FER1L6: variants seen among roughly 807,000 people sequenced by gnomAD.
FER1L6 encodes the protein fer-1-like protein 6.
FER1L6 carries 177 observed loss-of-function variants against 219.2 expected under a neutral mutation model. The observed-to-expected ratio is 0.81, with a 90% confidence interval of 0.71 to 0.91. The LOEUF is 0.91. Ranked by LOEUF, FER1L6 falls within the 40% of genes least tolerant of loss-of-function variation. FER1L6 has a pLI of 0.00. For missense variants in FER1L6, 2,153 were observed against 2,259.9 expected (o/e 0.95, Z 0.96); for synonymous variants, 768 against 824.3 (o/e 0.93, Z 1.17).
chr8:123,995,095 A>G (rs1817065640), intron 12 of FER1L6, among the ~76,000 whole-genome samples: 2 of 152,164 alleles, frequency 1.3e-5, no homozygotes, highest in Non-Finnish European at 2.9e-5. Context: ...TGCTTCTTTC[A>G]GAGGGTCTGT....
intron 22 of FER1L6, among the ~76,000 whole-genome samples, chr8:124,058,636 C>T (rs1034422168): frequency 5.3e-5 from 8 of 152,154 alleles, no homozygotes; most frequent in Non-Finnish European, 1.0e-4. Context: ...CTTCAGGAGC[C>T]CCAGGATAAA....
chr8:124,016,819 A>G (rs1055629135), intron 15 of FER1L6, among the ~76,000 whole-genome samples: 11 of 152,198 alleles, frequency 7.2e-5, no homozygotes, highest in African/African-American at 2.7e-4. Context: ...TACAATACAT[A>G]TGATTATGTA....
At chr8:124,086,850 C>T (rs1821805565) in intron 33 of FER1L6, among the ~76,000 whole-genome samples, 1 of 152,042 alleles carries the variant, frequency 6.6e-6, no homozygotes, top group South Asian at 2.1e-4. Flanking sequence ...AATACTTTTC[C>T]TAGATATGCT....
At chr8:124,116,547 A>G (rs553145054) in intron 39 of FER1L6, among the ~76,000 whole-genome samples, 30 of 152,306 alleles carry the variant, frequency 2.0e-4, no homozygotes, top group African/African-American at 5.8e-4. Flanking sequence ...CAAAAAGGGC[A>G]TGCATGAAAC....
intron 1 of FER1L6, among the ~76,000 whole-genome samples, chr8:123,917,553 C>T (rs1385271034): frequency 6.6e-6 from 1 of 152,186 alleles, no homozygotes; most frequent in Non-Finnish European, 1.5e-5. Context: ...CAGATGTTAT[C>T]TCCTTCCCGC....
At chr8:123,924,399 G>A (rs1036198195) in intron 1 of FER1L6, among the ~76,000 whole-genome samples, 3 of 151,308 alleles carry the variant, frequency 2.0e-5, no homozygotes, top group Admixed American at 1.3e-4. Context: ...AAAATTAGCC[G>A]GGCATGGCGG....
chr8:123,957,820 G>A (rs1055563109), intron 2 of FER1L6, among the ~76,000 whole-genome samples: 1 of 152,150 alleles, frequency 6.6e-6, no homozygotes, highest in African/African-American at 2.4e-5. Flanking sequence ...AACAGGGCAG[G>A]GAGGAATCAG....
At chr8:123,922,980 C>T (rs902423981) in intron 1 of FER1L6, among the ~76,000 whole-genome samples, 2 of 152,132 alleles carry the variant, frequency 1.3e-5, no homozygotes, top group Non-Finnish European at 2.9e-5. Flanking sequence ...CAGCCCCCCC[C>T]CAGACCCCCA....
chr8:123,911,970 A>C (rs1813054556), intron 1 of FER1L6, among the ~76,000 whole-genome samples: 1 of 152,150 alleles, frequency 6.6e-6, no homozygotes, highest in African/African-American at 2.4e-5. Flanking sequence ...TTTATGGTAG[A>C]CTAGCCTCTG....
intron 1 of FER1L6, among the ~76,000 whole-genome samples, chr8:123,877,943 G>A (rs1272515997): frequency 6.6e-6 from 1 of 152,096 alleles, no homozygotes; most frequent in Non-Finnish European, 1.5e-5. Flanking sequence ...AAGGGGTGAG[G>A]GTTGGGGAGA....
chr8:123,878,877 A>G (rs1817057768), intron 1 of FER1L6, among the ~76,000 whole-genome samples: 1 of 152,230 alleles, frequency 6.6e-6, no homozygotes, highest in African/African-American at 2.4e-5. Flanking sequence ...AACATTGAGA[A>G]TGAAACAATG....
chr8:124,070,585 T>C lies in FER1L6; in HGVS notation c.3953T>C (p.Ile1318Thr), dbSNP rs956244927. 1.3e-6 allele frequency: 2 copies of C among 1,586,542 alleles called. No homozygotes were observed. The highest frequency in any genetic ancestry group is 2.7e-5 in the African/African-American group (2 of 73,046). The change falls in exon 30 of 41, where the codon ATA becomes ACA. Residue 1318 changes from isoleucine to threonine, a missense_variant. Coordinates refer to ENST00000522917, the MANE Select transcript of FER1L6 (RefSeq NM_001039112.2). Reference protein sequence around the residue: ...DDHGLDGDRVIGKFKGSFCIY... With the variant: ...DDHGLDGDRVTGKFKGSFCIY... ...CATGGTCTTGATGGAGACCGAGTCATAGGAAAATTTAAGGCAGGTTCCATT... is the reference window on the plus strand; with the variant it reads ...CATGGTCTTGATGGAGACCGAGTCACAGGAAAATTTAAGGCAGGTTCCATT...
intron 26 of FER1L6, among the ~76,000 whole-genome samples, chr8:124,065,856 C>T (rs750752403): frequency 2.6e-5 from 4 of 152,152 alleles, no homozygotes; most frequent in South Asian, 4.2e-4. Flanking sequence ...TTCTGCCACA[C>T]GTCTATCACT....
Position 123,976,077 on chromosome 8 carries a change from G to A in FER1L6, c.863G>A (p.Gly288Glu), listed in dbSNP as rs368179359. 2.4e-5 allele frequency: 38 copies of A among 1,610,402 alleles called. No homozygotes were observed. Among genetic ancestry groups the A allele is most frequent in the African/African-American group, 1.7e-4 (13 of 74,850 alleles). The part of the protein sequence containing the change: ...VDPFVEVSFA[G>E]QMGRTTVQKN... The stretch of plus-strand genomic sequence containing the variant: ...CCCTTTGTGGAGGTCTCCTTTGCTG[G>A]GCAGATGGTGAGGAACCATTGTCAC... Residue 288 changes from glycine (G) to glutamate (E), a missense_variant, in exon 9 of 41, where the codon GGG (glycine) becomes GAG (glutamate). Coordinates refer to ENST00000522917, the MANE Select transcript of FER1L6 (RefSeq NM_001039112.2).
intron 22 of FER1L6, among the ~76,000 whole-genome samples, chr8:124,056,899 C>T (rs1157238187): frequency 6.6e-6 from 1 of 152,050 alleles, no homozygotes; most frequent in Non-Finnish European, 1.5e-5. Flanking sequence ...ACAAAATTAG[C>T]TGGGCGCGGT....
chr8:123,929,349 G>C (rs1453459412), intron 1 of FER1L6, among the ~76,000 whole-genome samples: 2 of 152,188 alleles, frequency 1.3e-5, no homozygotes, highest in Admixed American at 1.3e-4. Flanking sequence ...ATAACTGTTT[G>C]TAGACATTAA....
At chr8:124,014,119 C>T (rs1260996434) in intron 15 of FER1L6, among the ~76,000 whole-genome samples, 1 of 152,074 alleles carries the variant, frequency 6.6e-6, no homozygotes, top group African/African-American at 2.4e-5. Flanking sequence ...TTAACGTGCA[C>T]AGGGGAGAAT....
At chr8:123,899,560 G>A (rs1812821889) in intron 1 of FER1L6, among the ~76,000 whole-genome samples, 1 of 152,030 alleles carries the variant, frequency 6.6e-6, no homozygotes, top group Admixed American at 6.6e-5. Flanking sequence ...ATTTGCTTTT[G>A]GGTTCTTGGT....
At chr8:123,859,282 T>C (rs1816702837) in intron 1 of FER1L6, among the ~76,000 whole-genome samples, 2 of 152,246 alleles carry the variant, frequency 1.3e-5, no homozygotes, top group Non-Finnish European at 1.5e-5. Flanking sequence ...ATTACAGGCA[T>C]GAGCCACCAT....
Sources: allele counts gnomAD v4.1 joint callset (sites outside exome capture counted in the v4.1 genomes callset), GRCh38; gene constraint gnomAD v4.1.1; transcripts MANE v1.5; gene names NCBI Gene and HGNC (gene_info 2026-07-23, HGNC 2026-07-21).